AKAP13: variants seen among roughly 807,000 people sequenced by gnomAD.
The protein encoded by AKAP13 is A-kinase anchor protein 13.
A neutral mutation model predicts 264.5 loss-of-function variants in AKAP13; 80 were observed. The ratio of observed to expected loss-of-function variants is 0.30; its 90% confidence interval spans 0.25 to 0.36. AKAP13 has a LOEUF of 0.36. Among genes scored for constraint, AKAP13 ranks in the 10% least tolerant of loss-of-function variants. The pLI, the probability that AKAP13 is intolerant of heterozygous loss-of-function variation, is 1.00. For synonymous variants in AKAP13, 1,380 were observed against 1,250.2 expected, an observed-to-expected ratio of 1.10 and a Z score of -2.19; for missense variants, 3,712 against 3,435.2, an observed-to-expected ratio of 1.08 and a Z score of -2.01.
intron 33 of AKAP13, among the ~76,000 whole-genome samples, chr15:85,737,221 T>C (rs946164360): frequency 3.9e-5 from 6 of 152,168 alleles, no homozygotes; most frequent in Non-Finnish European, 5.9e-5. Context: ...CGCCCAGCCA[T>C]ATCTTCTTCT....
intron 8 of AKAP13, among the ~76,000 whole-genome samples, chr15:85,591,124 C>T (rs1028150997): frequency 1.3e-5 from 2 of 152,162 alleles, no homozygotes; most frequent in Non-Finnish European, 2.9e-5. Context: ...AGCACCTTTG[C>T]TTTATAAGAG....
intron 15 of AKAP13, among the ~76,000 whole-genome samples, chr15:85,682,777 C>T (rs1330854489): frequency 6.6e-6 from 1 of 152,126 alleles, no homozygotes; most frequent in Non-Finnish European, 1.5e-5. Context: ...AAGCCATTCT[C>T]CTGCCTCAGC....
chr15:85,527,663 A>G (rs1227875144), intron 3 of AKAP13, among the ~76,000 whole-genome samples: 1 of 152,230 alleles, frequency 6.6e-6, no homozygotes, highest in Non-Finnish European at 1.5e-5. Flanking sequence ...TCTTCTGATT[A>G]AATACTCCTG....
At chr15:85,690,069 A>G (rs961047347) in intron 16 of AKAP13, 2 of 152,252 alleles carry the variant, frequency 1.3e-5, no homozygotes, top group Admixed American at 6.5e-5. Flanking sequence ...AGTACCCCAC[A>G]TAACAGTGAG....
At chr15:85,688,031 TAA>T (rs60030351) in intron 16 of AKAP13, among the ~76,000 whole-genome samples, 115,149 of 138,284 alleles carry the variant, frequency 0.83, 47,855 homozygotes, top group East Asian at 0.91. Context: ...CCCTGTCTCT[TAA>T]AAAAAAAAAA....
rs1031735912 is a variant in AKAP13, at chr15:85,735,543, C to T, written c.7442-17C>T. On this transcript the variant is annotated splice_polypyrimidine_tract_variant and intron_variant, in intron 31 of 36. Transcript: ENST00000394518. ...TTCACAACTTTAAAAAAAAAAACAA[C>T]CCTATTTTTTGTTTAGGAGGCGAGA... 1 of 1,596,794 alleles carries T rather than the reference C, an allele frequency of 6.3e-7. No individual in the cohort carries two copies. The highest frequency in any genetic ancestry group is 1.4e-5 in the African/African-American group (1 of 73,844).
At chr15:85,451,604 A>G (rs1279502077) in intron 1 of AKAP13, among the ~76,000 whole-genome samples, 1 of 152,214 alleles carries the variant, frequency 6.6e-6, no homozygotes, top group Non-Finnish European at 1.5e-5. Flanking sequence ...TTTCCTGAAA[A>G]GGATCTTATT....
intron 12 of AKAP13, chr15:85,662,559 AGC>A: frequency 1.6e-6 from 2 of 1,265,206 alleles, no homozygotes; most frequent in South Asian, 2.4e-5. Context: ...GCATATGGGC[AGC>A]CTGCTTTGTC....
chr15:85,382,876 C>A (rs1445852225), intron 1 of AKAP13, among the ~76,000 whole-genome samples: 1 of 152,190 alleles, frequency 6.6e-6, no homozygotes, highest in Non-Finnish European at 1.5e-5. Context: ...GAGAGAGCCA[C>A]TAACTGGGGA....
At chr15:85,398,248 G>A (rs1318886090) in intron 1 of AKAP13, among the ~76,000 whole-genome samples, 1 of 152,108 alleles carries the variant, frequency 6.6e-6, no homozygotes, top group African/African-American at 2.4e-5. Flanking sequence ...CTTATTCTAG[G>A]AGTCATCAGA....
chr15:85,487,722 T>C (rs2075600931), intron 2 of AKAP13, among the ~76,000 whole-genome samples: 2 of 150,404 alleles, frequency 1.3e-5, no homozygotes, highest in Non-Finnish European at 3.0e-5. Flanking sequence ...TGCGCCACCA[T>C]GCCTGGCTAT....
At chr15:85,582,818 T>G in intron 7 of AKAP13, 1 of 969,764 alleles carries the variant, frequency 1.0e-6, no homozygotes, top group Non-Finnish European at 1.2e-6. Context: ...GGATGCAGGA[T>G]TTCCGCCCAA....
rs566579814 is a variant in AKAP13, at chr15:85,504,503, C to CAAAAAAAAAAAAAAAAAAAAAAAAAA, written c.34-16918_34-16893dup. ...GCGATGTGGTGAGACCCTGTCTTTA[C>CAAAAAAAAAAAAAAAAAAAAAAAAAA]AAAAAAAAAAAAAAAAAAAAAAAAA... On this transcript the variant is annotated intron_variant, in intron 2 of 36. Transcript: ENST00000394518. Among the ~76,000 whole-genome samples, 23 of 91,042 alleles carry CAAAAAAAAAAAAAAAAAAAAAAAAAA rather than the reference C, an allele frequency of 2.5e-4. 1 individual carries two copies. Among genetic ancestry groups the CAAAAAAAAAAAAAAAAAAAAAAAAAA allele is most frequent in the South Asian group, 1.5e-3 (3 of 2,066 alleles). The allele number at this position is 91,042 out of a possible 152,430, so 59.7% of individuals were successfully genotyped here.
At chr15:85,740,629 C>G (rs1478771046) in intron 34 of AKAP13, 1 of 328,624 alleles carries the variant, frequency 3.0e-6, no homozygotes, top group Non-Finnish European at 5.6e-6. Flanking sequence ...CCTAATACAG[C>G]TTCTGTTTCG....
At chr15:85,705,073 G>A (rs763499857) in intron 17 of AKAP13, among the ~76,000 whole-genome samples, 1 of 152,154 alleles carries the variant, frequency 6.6e-6, no homozygotes. Context: ...GCTGGGTTGT[G>A]GGTTTGGGGA....
At chr15:85,541,515 A>G (rs1202890120) in intron 4 of AKAP13, among the ~76,000 whole-genome samples, 1 of 152,246 alleles carries the variant, frequency 6.6e-6, no homozygotes, top group African/African-American at 2.4e-5. Flanking sequence ...GCTTGCTTGT[A>G]TGATTGCTTG....
At chr15:85,691,953 T>G (rs1053482620) in intron 16 of AKAP13, 3 of 456,938 alleles carry the variant, frequency 6.6e-6, no homozygotes, top group Admixed American at 4.7e-5. Context: ...GTACTCAGGG[T>G]AGAGGAGTGA....
intron 30 of AKAP13, among the ~76,000 whole-genome samples, chr15:85,732,604 C>G (rs1047542836): frequency 5.3e-5 from 8 of 149,910 alleles, no homozygotes; most frequent in African/African-American, 2.0e-4. Context: ...TTTAACTAAA[C>G]CTATTTAGTA....
chr15:85,645,777 T>TTG (rs2082533807), intron 9 of AKAP13, 41 bp from the exon 10 acceptor site: 1 of 1,522,780 alleles, frequency 6.6e-7, no homozygotes, highest in Non-Finnish European at 8.8e-7. Flanking sequence ...GTTTTTTTGT[T>TTG]TTTTTTTTTT....
Sources: gnomAD v4.1 joint callset for allele counts (sites outside exome capture counted in the v4.1 genomes callset) on GRCh38, gnomAD v4.1.1 for gene constraint, MANE v1.5 for transcripts, NCBI Gene and HGNC (gene_info 2026-07-23, HGNC 2026-07-21) for gene names.